The following ZFP1 variants were observed in gnomAD, a reference collection of about 807,000 sequenced individuals.
The protein encoded by ZFP1 is zinc finger protein 1 homolog.
Under a neutral mutation model 38.5 loss-of-function variants are expected in ZFP1, and 32 were observed. The ratio of observed to expected loss-of-function variants is 0.83; its 90% CI spans 0.63 to 1.12. The LOEUF (loss-of-function observed/expected upper bound fraction) is 1.12. ZFP1 is among the 50% of genes most tolerant of loss of function. ZFP1 has a pLI of 0.00. For synonymous variants in ZFP1, 245 were observed against 168.8 expected, an observed-to-expected ratio of 1.45 and a Z score of -3.50; for missense variants, 616 against 480.8, an observed-to-expected ratio of 1.28 and a Z score of -2.63.
intron 2 of ZFP1, among the ~76,000 whole-genome samples, chr16:75,158,631 ATTTTT>A (rs34686066): frequency 1.4e-5 from 2 of 142,150 alleles, no homozygotes; most frequent in Non-Finnish European, 3.0e-5. Flanking sequence ...TTTATTTGTG[ATTTTT>A]TTTTTTTTTT....
rs774787075 is a variant in ZFP1 at position 75,169,825 on chromosome 16, C to T, written c.715C>T (p.Pro239Ser). The T allele has an allele frequency of 2.5e-6, 4 of 1,614,000 alleles. No homozygotes were observed. The African/African-American group carries it at 4.0e-5, about 16-fold the overall frequency. ...KHQRIHTGEK[P>S]FECPECGKAF... ...TCAGAGAATTCACACTGGGGAGAAA[C>T]CTTTCGAGTGTCCGGAATGTGGAAA... The change falls in exon 4 of 4, where the codon CCT becomes TCT. Residue 239 changes from proline (P) to serine (S), a missense_variant. Coordinates refer to ENST00000570010, the MANE Select transcript of ZFP1 (RefSeq NM_153688.4).
At chr16:75,157,264 T>TTG (rs2037516989) in intron 2 of ZFP1, 1 of 141,860 alleles carries the variant, frequency 7.0e-6, no homozygotes, top group African/African-American at 2.8e-5. Context: ...TTTTTTTTTT[T>TTG]GAGACAGTCT....
chr16:75,137,901 T>C, the ZFP1 span, among the ~76,000 whole-genome samples: 2 of 150,862 alleles, frequency 1.3e-5, no homozygotes, highest in Non-Finnish European at 2.9e-5. Context: ...TGTGTCCAAA[T>C]AAATAAATAA....
At chr16:75,166,395 G>C (rs114947581) in intron 2 of ZFP1, among the ~76,000 whole-genome samples, 6,001 of 152,136 alleles carry the variant, frequency 0.039, 215 homozygotes, top group Admixed American at 0.11. Flanking sequence ...CACCATGCCC[G>C]ACTAAATTTT....
chr16:75,126,647 C>T, the ZFP1 span, among the ~76,000 whole-genome samples: 1 of 152,218 alleles, frequency 6.6e-6, no homozygotes, highest in Non-Finnish European at 1.5e-5. Flanking sequence ...AGGTGATCCA[C>T]CCACCTTGGC....
chr16:75,170,331 C>T lies in ZFP1; in HGVS notation c.1221C>T (p.Pro407=), dbSNP rs753398026. The T allele has an allele frequency of 2.6e-6, 4 of 1,568,000 alleles. No individual in the cohort carries two copies. Among genetic ancestry groups the T allele is most frequent in the Non-Finnish European group, 3.5e-6 (4 of 1,156,616 alleles). The change falls in exon 4 of 4, where the codon CCC becomes CCT. Residue 407 remains proline, a synonymous_variant. Transcript: ENST00000570010. The part of the protein sequence containing the change: ...VHQRVHIGEK[P] ...AGAGAGTTCACATCGGGGAGAAACC[C>T]TGAAACTCCAGCCAGGTCTTACTGT...
chr16:75,122,496 G>C, the ZFP1 span, among the ~76,000 whole-genome samples: 1 of 152,162 alleles, frequency 6.6e-6, no homozygotes, highest in African/African-American at 2.4e-5. Context: ...GGGGCAAAGA[G>C]AACCAGGAAG....
chr16:75,164,613 C>G (rs1032582900), intron 2 of ZFP1, among the ~76,000 whole-genome samples: 1 of 152,018 alleles, frequency 6.6e-6, no homozygotes, highest in Non-Finnish European at 1.5e-5. Context: ...CTATTATGTA[C>G]TAGTCATCAT....
intron 2 of ZFP1, among the ~76,000 whole-genome samples, chr16:75,156,274 C>G (rs183458109): frequency 6.6e-6 from 1 of 151,880 alleles, no homozygotes; most frequent in Non-Finnish European, 1.5e-5. Context: ...GCCAACATGG[C>G]GAAACCCTGT....
At chr16:75,136,811 C>T in the ZFP1 span, among the ~76,000 whole-genome samples, 1 of 151,994 alleles carries the variant, frequency 6.6e-6, no homozygotes, top group African/African-American at 2.4e-5. Context: ...TTCAAGGCTG[C>T]AGTGAGCTAT....
chr16:75,155,811 G>T (rs1419181781), intron 2 of ZFP1, among the ~76,000 whole-genome samples: 1 of 152,036 alleles, frequency 6.6e-6, no homozygotes, highest in African/African-American at 2.4e-5. Context: ...GTAATATTCA[G>T]TTGATAAACT....
intron 2 of ZFP1, among the ~76,000 whole-genome samples, chr16:75,164,136 GCTTTGTTA>G (rs2037933373): frequency 6.6e-6 from 1 of 152,056 alleles, no homozygotes; most frequent in Admixed American, 6.6e-5. Context: ...TTGTTTTCAG[GCTTTGTTA>G]CTTTGTTTAT....
upstream of ZFP1, among the ~76,000 whole-genome samples, chr16:75,144,359 C>T (rs1336205362): frequency 1.2e-4 from 19 of 152,122 alleles, no homozygotes; most frequent in Admixed American, 1.2e-3. Context: ...GAAATAACCC[C>T]CACGTGGGTA....
rs1183966560 is a variant in ZFP1, at chr16:75,166,857, G to T, written c.103G>T (p.Asp35Tyr). 1.2e-6 allele frequency: 2 copies of T among 1,614,030 alleles called. No individual in the cohort carries two copies. Among genetic ancestry groups the T allele is most frequent in the African/African-American group, 1.3e-5 (1 of 74,922 alleles). ...CCCCTCTCAGAGGATCCTATACATG[G>T]ATGTGATGCTGGAGAATTATAGCAA... is the stretch of plus-strand genomic sequence containing the variant. The part of the protein sequence containing the change: ...LDPSQRILYM[D>Y]VMLENYSNLL... The change falls in exon 3 of 4, where the codon GAT becomes TAT. Residue 35 changes from aspartate to tyrosine, a missense_variant. By Grantham distance (160) the Asp-to-Tyr change is radical. Coordinates refer to ENST00000570010, the MANE Select transcript of ZFP1 (RefSeq NM_153688.4).
At chr16:75,123,429 A>ATGTGTGTGTG in the ZFP1 span, among the ~76,000 whole-genome samples, 91 of 31,634 alleles carry the variant, frequency 2.9e-3, 2 homozygotes, top group African/African-American at 7.7e-3. Context: ...ATATATAAGA[A>ATGTGTGTGTG]TGTGTGTGTG....
At chr16:75,144,312 A>G (rs560219959), upstream of ZFP1, 5 of 152,306 alleles carry the variant, frequency 3.3e-5, no homozygotes, top group South Asian at 1.0e-3. Context: ...TACGCTGCAC[A>G]TATTCTTGTG....
chr16:75,122,700 A>T, the ZFP1 span, among the ~76,000 whole-genome samples: 3 of 152,280 alleles, frequency 2.0e-5, no homozygotes, highest in African/African-American at 7.2e-5. Flanking sequence ...GGCTTTAGGC[A>T]GTCCGGTCTA....
At chr16:75,139,157 C>T in the ZFP1 span, among the ~76,000 whole-genome samples, 49 of 151,904 alleles carry the variant, frequency 3.2e-4, no homozygotes, top group African/African-American at 1.2e-3. Context: ...ATCACGAGGT[C>T]AGGGGATCGA....
chr16:75,143,604 C>A (rs896407646), upstream of ZFP1, among the ~76,000 whole-genome samples: 1 of 149,480 alleles, frequency 6.7e-6, no homozygotes, highest in Admixed American at 6.7e-5. Flanking sequence ...ATCTACAGAC[C>A]CTGGGGTCTC....
Sources: gnomAD v4.1 joint callset for allele counts (sites outside exome capture counted in the v4.1 genomes callset) on GRCh38, gnomAD v4.1.1 for gene constraint, MANE v1.5 for transcripts, NCBI Gene and HGNC (gene_info 2026-07-23, HGNC 2026-07-21) for gene names.